Variants in RPS6KA3 observed in about 807,000 individuals in gnomAD.
The protein encoded by RPS6KA3 is ribosomal protein S6 kinase alpha-3.
Under a neutral mutation model 67.2 loss-of-function variants are expected in RPS6KA3, and 4 were observed. The observed-to-expected ratio is 0.06, with a 90% confidence interval of 0.03 to 0.14. The LOEUF (loss-of-function observed/expected upper bound fraction) is 0.14. Among genes scored for constraint, RPS6KA3 ranks in the 10% least tolerant of loss-of-function variants. The pLI is 1.00. For synonymous variants in RPS6KA3, 182 were observed against 183.7 expected, an observed-to-expected ratio of 0.99 and a Z score of 0.07; for missense variants, 204 against 559.0, an observed-to-expected ratio of 0.36 and a Z score of 6.40.
intron 1 of RPS6KA3, among the ~76,000 whole-genome samples, chrX:20,235,958 C>T (rs1476509280): frequency 3.6e-5 from 4 of 111,440 alleles, no homozygotes; most frequent in East Asian, 5.6e-4. Flanking sequence ...ATGGTACATC[C>T]TTATAATGGA....
intron 10 of RPS6KA3, among the ~76,000 whole-genome samples, chrX:20,184,046 C>T (rs1334979936): frequency 4.5e-5 from 5 of 112,049 alleles, no homozygotes; most frequent in African/African-American, 1.6e-4. Context: ...TTTCCTTTTA[C>T]TTTTTTATTT....
chrX:20,196,732 G>A (rs376110773), intron 4 of RPS6KA3, among the ~76,000 whole-genome samples: 10 of 111,914 alleles, frequency 8.9e-5, no homozygotes, highest in African/African-American at 2.3e-4. Flanking sequence ...TGATGTCTAC[G>A]CAGCTCTTTT....
chrX:20,213,261 C>CT (rs2068763910), intron 2 of RPS6KA3, among the ~76,000 whole-genome samples: 1 of 111,909 alleles, frequency 8.9e-6, no homozygotes. Context: ...AAGCAAGTCT[C>CT]TTCTCACCCT....
At position 20,265,289 on chromosome X, in the gene RPS6KA3, G is replaced by A. The variant is rs746039118; in HGVS notation, c.69+1275C>T. On this transcript the variant is annotated intron_variant, in intron 1 of 21. Transcript: ENST00000379565. ...GAAAAGCGATTTGAACTGATCCCCCGCCCTCTCCATTATACCGGAGAATGC... is the reference window on the plus strand; with the variant it reads ...GAAAAGCGATTTGAACTGATCCCCCACCCTCTCCATTATACCGGAGAATGC... 2.1e-3 allele frequency among the ~76,000 whole-genome samples: 231 copies of A among 111,672 alleles called. 1 individual carries two copies. The highest frequency in any genetic ancestry group is 7.2e-3 in the African/African-American group (221 of 30,649).
rs1400120800 is a variant in RPS6KA3, at chrX:20,251,549, T to TA, written c.69+15014_69+15015insT. Among the ~76,000 whole-genome samples the TA allele has an allele frequency of 2.0e-4, 23 of 113,085 alleles. No homozygotes were observed. The Admixed American group carries it at 2.1e-3, about 10-fold the overall frequency. On this transcript the variant is annotated intron_variant, in intron 1 of 21. Transcript: ENST00000379565. ...GAAAATCTGCTGTCGCATGAGTTGT[T>TA]CCCTATAGGTAACAGTTCATTTCTC...
chrX:20,250,749 A>G (rs191583911), intron 1 of RPS6KA3, among the ~76,000 whole-genome samples: 2 of 111,806 alleles, frequency 1.8e-5, no homozygotes, highest in East Asian at 5.6e-4. Flanking sequence ...CAATTCTTAT[A>G]TGTTGTTAGA....
intron 17 of RPS6KA3, among the ~76,000 whole-genome samples, chrX:20,166,057 A>C (rs2067428923): frequency 1.8e-5 from 2 of 112,577 alleles, no homozygotes; most frequent in Middle Eastern, 4.6e-3. Flanking sequence ...AAGTTATATG[A>C]ATGTGGTCTC....
At chrX:20,220,882 G>C (rs2068972165) in intron 2 of RPS6KA3, among the ~76,000 whole-genome samples, 1 of 111,636 alleles carries the variant, frequency 9.0e-6, no homozygotes, top group Admixed American at 9.5e-5. Flanking sequence ...TAGGATATAT[G>C]GCTACCTGTT....
intron 1 of RPS6KA3, among the ~76,000 whole-genome samples, chrX:20,244,934 T>C (rs1368456532): frequency 8.9e-6 from 1 of 112,353 alleles, no homozygotes; most frequent in Admixed American, 9.4e-5. Context: ...CTCATTTTTA[T>C]TAGGACAATG....
chrX:20,206,707 G>C (rs1314049748), intron 3 of RPS6KA3, among the ~76,000 whole-genome samples: 1 of 112,389 alleles, frequency 8.9e-6, no homozygotes, highest in Non-Finnish European at 1.9e-5. Flanking sequence ...GTAATGTTCT[G>C]AGAGGGTATA....
At chrX:20,217,757 T>C (rs766931837) in intron 2 of RPS6KA3, among the ~76,000 whole-genome samples, 1 of 112,375 alleles carries the variant, frequency 8.9e-6, no homozygotes, top group South Asian at 3.6e-4. Flanking sequence ...TATAGTTCTA[T>C]AACATGTAGT....
chrX:20,167,988 T>C (rs970978181), intron 16 of RPS6KA3, among the ~76,000 whole-genome samples: 4 of 112,151 alleles, frequency 3.6e-5, no homozygotes, highest in Admixed American at 2.8e-4. Flanking sequence ...GCTGGGACTA[T>C]AGGCGCATGC....
At chrX:20,194,586 A>G (rs1333498710) in intron 5 of RPS6KA3, among the ~76,000 whole-genome samples, 2 of 111,397 alleles carry the variant, frequency 1.8e-5, no homozygotes, top group Non-Finnish European at 3.8e-5. Context: ...CCATGCCACT[A>G]GCTACAGAAA....
At chrX:20,159,467 A>C (rs1460621551) in intron 20 of RPS6KA3, among the ~76,000 whole-genome samples, 9 of 112,435 alleles carry the variant, frequency 8.0e-5, no homozygotes, top group Middle Eastern at 4.6e-3. Flanking sequence ...CTTGTGGCTA[A>C]TCATGGAATT....
chrX:20,240,574 T>C, intron 1 of RPS6KA3: 1 of 597,996 alleles, frequency 1.7e-6, no homozygotes, highest in East Asian at 1.7e-4. Flanking sequence ...CTTACCAATG[T>C]GACAGGATTA....
intron 2 of RPS6KA3, among the ~76,000 whole-genome samples, chrX:20,222,920 T>C (rs1457527527): frequency 8.9e-6 from 1 of 111,978 alleles, no homozygotes; most frequent in Non-Finnish European, 1.9e-5. Flanking sequence ...GACTTGGAGA[T>C]ACACTCACTA....
chrX:20,227,693 T>G (rs746000743), intron 2 of RPS6KA3, among the ~76,000 whole-genome samples: 1 of 111,088 alleles, frequency 9.0e-6, no homozygotes, highest in South Asian at 3.8e-4. Flanking sequence ...TGCTTTTTTT[T>G]TTAAAATTTG....
intron 2 of RPS6KA3, among the ~76,000 whole-genome samples, chrX:20,221,997 C>T (rs1306261946): frequency 8.9e-6 from 1 of 112,684 alleles, no homozygotes; most frequent in Non-Finnish European, 1.9e-5. Context: ...CAAATCTGCC[C>T]ATGTCCATCT....
intron 1 of RPS6KA3, among the ~76,000 whole-genome samples, chrX:20,262,851 T>C (rs976060110): frequency 4.5e-5 from 5 of 111,699 alleles, no homozygotes; most frequent in African/African-American, 9.7e-5. Flanking sequence ...AAGAAACCTA[T>C]ATAATATTGA....
Sources: allele counts gnomAD v4.1 joint callset (sites outside exome capture counted in the v4.1 genomes callset), GRCh38; gene constraint gnomAD v4.1.1; transcripts MANE v1.5; gene names NCBI Gene and HGNC (gene_info 2026-07-23, HGNC 2026-07-21).